Variants in DOC2A observed in about 807,000 individuals in gnomAD.
The protein encoded by DOC2A is double C2-like domain-containing protein alpha.
A neutral mutation model predicts 40.6 loss-of-function variants in DOC2A; 28 were observed. The observed-to-expected ratio is 0.69, with a 90% CI of 0.51 to 0.95. The LOEUF (loss-of-function observed/expected upper bound fraction) is 0.95, where lower values mean the gene tolerates loss of function less well. DOC2A is among the 40% of genes least tolerant of loss of function. The pLI is 0.00. For missense variants in DOC2A, 474 were observed against 552.5 expected (o/e 0.86, Z 1.42); for synonymous variants, 241 against 236.9 (o/e 1.02, Z -0.16).
intron 1 of DOC2A, among the ~76,000 whole-genome samples, chr16:30,017,536 C>T (rs1002238178): frequency 3.3e-5 from 5 of 152,018 alleles, no homozygotes; most frequent in South Asian, 2.1e-4. Flanking sequence ...TGAATTAATG[C>T]GGAAACAGAA....
At chr16:30,015,447 C>A (rs2070845294), upstream of DOC2A, among the ~76,000 whole-genome samples, 3 of 152,134 alleles carry the variant, frequency 2.0e-5, no homozygotes, top group African/African-American at 7.2e-5. Context: ...TCCTGAGTAG[C>A]TGGGATTACA....
Position 30,009,067 on chromosome 16 carries a change from C to T in DOC2A, c.456G>A (p.Leu152=). The T allele has an allele frequency of 6.2e-7, 1 of 1,614,112 alleles. No homozygotes were observed. Among genetic ancestry groups the T allele is most frequent in the African/African-American group, 1.3e-5 (1 of 75,034 alleles). The change falls in exon 5 of 11, where the codon CTG becomes CTA. Residue 152 remains leucine (L), a synonymous_variant. Coordinates refer to ENST00000350119, the MANE Select transcript of DOC2A (RefSeq NM_003586.3). This position sits in a 1 kb window ranked among gnomAD's most constrained non-coding sequence, Gnocchi z 4.1. ...KLKTKTQRNT[L]NPVWNEDLTY... is the part of the protein sequence containing the mutation. ...TCAGGTCCTCATTCCACACGGGATTCAGTGTGTTCCTCTGAGTCTTCGTTT... is the reference window on the plus strand; with the variant it reads ...TCAGGTCCTCATTCCACACGGGATTTAGTGTGTTCCTCTGAGTCTTCGTTT...
At chr16:30,013,158 CAAAAAAAAAAA>C (rs1171077200), upstream of DOC2A, among the ~76,000 whole-genome samples, 12 of 39,182 alleles carry the variant, frequency 3.1e-4, no homozygotes, top group East Asian at 9.6e-4. Flanking sequence ...CCTGTCTCTA[CAAAAAAAAAAA>C]AAAAAAAAAA....
At chr16:30,016,047 ATATATATATTTTTT>A (rs2070852690), upstream of DOC2A, among the ~76,000 whole-genome samples, 1 of 22,464 alleles carries the variant, frequency 4.5e-5, no homozygotes, top group African/African-American at 1.5e-4. Flanking sequence ...ATATATATAT[ATATATATATTTTTT>A]TTTTTTTTTT....
In DOC2A at chr16:30,010,228, A is replaced by T. The variant is rs767916139; in HGVS notation, c.-6T>A. 1.9e-6 allele frequency: 3 copies of T among 1,613,286 alleles called. No homozygotes were observed. The highest frequency in any genetic ancestry group is 2.5e-6 in the Non-Finnish European group (3 of 1,179,920). On this transcript the variant is annotated 5_prime_UTR_variant, in exon 2 of 11. Transcript: ENST00000350119. The surrounding 1 kb of genome is among the most constrained non-coding windows in gnomAD (Gnocchi z 4.2). ...TCGCCCCTGCGGCCCCTCATGCAGCACCCCTGGCTAGGAGAGGGCGTGTGA... is the reference window on the plus strand; with the variant it reads ...TCGCCCCTGCGGCCCCTCATGCAGCTCCCCTGGCTAGGAGAGGGCGTGTGA...
In DOC2A at chr16:30,010,742, A is replaced by G. The variant is rs1471962205; in HGVS notation, c.-14+161T>C. ...TGCCTGGTTCCCCCGCTCGCTCACC[A>G]CAGCCCACGGTGGAGACCCCAGCCT... On this transcript the variant is annotated intron_variant, in intron 1 of 10. Coordinates refer to ENST00000350119, the MANE Select transcript of DOC2A (RefSeq NM_003586.3). This position sits in a 1 kb window ranked among gnomAD's most constrained non-coding sequence, Gnocchi z 4.2. Among the ~76,000 whole-genome samples the G allele has an allele frequency of 1.3e-5, 2 of 151,616 alleles. No individual in the cohort carries two copies. Among genetic ancestry groups the G allele is most frequent in the Non-Finnish European group, 2.9e-5 (2 of 67,876 alleles).
chr16:30,013,158 CAAAAAAAAAA>C (rs1171077200), upstream of DOC2A, among the ~76,000 whole-genome samples: 4 of 39,180 alleles, frequency 1.0e-4, no homozygotes, highest in African/African-American at 3.2e-4. Flanking sequence ...CCTGTCTCTA[CAAAAAAAAAA>C]AAAAAAAAAA....
upstream of DOC2A, among the ~76,000 whole-genome samples, chr16:30,022,419 C>T (rs886220590): frequency 6.6e-6 from 1 of 152,098 alleles, no homozygotes; most frequent in Non-Finnish European, 1.5e-5. Flanking sequence ...GCCTGTAATC[C>T]CAGCACTTTG....
chr16:30,006,172 A>T lies in DOC2A; in HGVS notation c.*14T>A. The T allele has an allele frequency of 6.4e-7, 1 of 1,570,400 alleles. No individual in the cohort carries two copies. The highest frequency in any genetic ancestry group is 8.6e-7 in the Non-Finnish European group (1 of 1,158,696). ...CCCGGCTCGATGGGCCTGTGCCGGG[A>T]CACTGCTGTCCACTCAGGCTGAGGA... On this transcript the variant is annotated 3_prime_UTR_variant, in exon 11 of 11. Transcript: ENST00000350119. The surrounding 1 kb of genome is among the most constrained non-coding windows in gnomAD (Gnocchi z 6.2).
At chr16:30,014,705 CGA>C (rs2070837809), upstream of DOC2A, among the ~76,000 whole-genome samples, 1 of 150,868 alleles carries the variant, frequency 6.6e-6, no homozygotes, top group Non-Finnish European at 1.5e-5. Flanking sequence ...TTTGGGAGGC[CGA>C]GGCGGGAGGA....
rs768972930 is a variant in DOC2A, at chr16:30,009,005, T to G, written c.518A>C (p.Lys173Thr). The G allele has an allele frequency of 8.1e-6, 13 of 1,612,898 alleles. No individual in the cohort carries two copies. Among genetic ancestry groups the G allele is most frequent in the Non-Finnish European group, 1.0e-5 (12 of 1,179,246 alleles). Reference protein sequence around the residue: ...SGITDDDITHKVLRIAVCDED... With the variant: ...SGITDDDITHTVLRIAVCDED... ...GGAGGGGGGCCCTCACCTGAGCACCTTGTGCGTGATGTCGTCATCTGTGAT... is the reference window on the plus strand; with the variant it reads ...GGAGGGGGGCCCTCACCTGAGCACCGTGTGCGTGATGTCGTCATCTGTGAT... The change falls in exon 5 of 11, where the codon AAG becomes ACG. Residue 173 changes from lysine to threonine, a missense_variant. Lys to Thr is a moderately conservative substitution (Grantham distance 78). Coordinates refer to ENST00000350119, the MANE Select transcript of DOC2A (RefSeq NM_003586.3). This position sits in a 1 kb window ranked among gnomAD's most constrained non-coding sequence, Gnocchi z 4.1.
chr16:30,006,963 C>A lies in DOC2A; in HGVS notation c.715-15G>T. 1 of 1,613,786 alleles carries A rather than the reference C, an allele frequency of 6.2e-7. No individual in the cohort carries two copies. Among genetic ancestry groups the A allele is most frequent in the Non-Finnish European group, 8.5e-7 (1 of 1,179,810 alleles). Reference sequence around the variant, plus strand: ...GCCTGCTCCAACTGCGGGGCACAGACTCAGGGTCAGCCTGGGCCCCTGCAG... The same window carrying A: ...GCCTGCTCCAACTGCGGGGCACAGAATCAGGGTCAGCCTGGGCCCCTGCAG... On this transcript the variant is annotated splice_polypyrimidine_tract_variant and intron_variant, in intron 7 of 10. Coordinates refer to ENST00000350119, the MANE Select transcript of DOC2A (RefSeq NM_003586.3). The surrounding 1 kb of genome is among the most constrained non-coding windows in gnomAD (Gnocchi z 6.2).
At chr16:30,023,126 G>C (rs2070938443), upstream of DOC2A, 1 of 470,350 alleles carries the variant, frequency 2.1e-6, no homozygotes, top group Non-Finnish European at 3.9e-6. Flanking sequence ...CCTCCTCTTT[G>C]TAAATGCTGG....
chr16:30,022,086 TA>T (rs1240956814), upstream of DOC2A, among the ~76,000 whole-genome samples: 5 of 149,774 alleles, frequency 3.3e-5, no homozygotes, highest in East Asian at 1.0e-3. Context: ...CCATCTCTAC[TA>T]AAAGTACAAA....
chr16:30,009,662 C>T lies in DOC2A; in HGVS notation c.263-105G>A, dbSNP rs568366961. 346 of 1,128,764 alleles carry T rather than the reference C, an allele frequency of 3.1e-4. 4 individuals carry two copies. The South Asian group carries it at 4.4e-3, about 14-fold the overall frequency. 69.9% of individuals were successfully genotyped at this position (1,128,764 alleles called of 1,614,324 possible). On this transcript the variant is annotated intron_variant, in intron 2 of 10. Transcript: ENST00000350119. The surrounding 1 kb of genome is among the most constrained non-coding windows in gnomAD (Gnocchi z 4.1). ...TGTGTCTCTCTCTCTTGCCAGCCCGCGAGTGTGAGTGCAAGAGGCTGAGTG... is the reference window on the plus strand; with the variant it reads ...TGTGTCTCTCTCTCTTGCCAGCCCGTGAGTGTGAGTGCAAGAGGCTGAGTG...
Position 30,005,593 on chromosome 16 carries a change from G to C in DOC2A, c.*593C>G, listed in dbSNP as rs1238742800. ...CCAGAAAAGGCGTAAACATGCACGG[G>C]TGTCCCCCAGGAGGGTGGCAGGGGC... On this transcript the variant is annotated 3_prime_UTR_variant, in exon 11 of 11. Transcript: ENST00000350119. 1.3e-6 allele frequency: 1 copy of C among 765,656 alleles called. No homozygotes were observed. The highest frequency in any genetic ancestry group is 2.1e-6 in the Non-Finnish European group (1 of 467,812). The allele number at this position is 765,656 out of a possible 1,614,324, so 47.4% of individuals were successfully genotyped here. A position where few individuals can be genotyped will look rare whatever the true frequency, so the allele number is the denominator to read the frequency against.
Position 30,010,018 on chromosome 16 carries a change from CA to C in DOC2A, c.204del (p.Ala70ProfsTer21). The stretch of plus-strand genomic sequence containing the variant: ...GCACCATCCTCAGGCGTGGTGGCCC[CA>C]AGGAGGGCTGCAGGGGGGGCCAGAG... ...PLALAPPAAL[L>X]GATTPEDGAE... On this transcript the variant is annotated frameshift_variant, in exon 2 of 11. Transcript: ENST00000350119. LOFTEE classifies it high-confidence loss of function. The surrounding 1 kb of genome is among the most constrained non-coding windows in gnomAD (Gnocchi z 4.2). The C allele has an allele frequency of 6.2e-7, 1 of 1,612,256 alleles. No homozygotes were observed. The highest frequency in any genetic ancestry group is 1.9e-4 in the Middle Eastern group (1 of 5,158).
rs867653136 is a variant in DOC2A, at chr16:30,005,806, T to C, written c.*380A>G. On this transcript the variant is annotated 3_prime_UTR_variant, in exon 11 of 11. Transcript: ENST00000350119. ...GTGGCTCTGGGTTTGTTTTTTGTCC[T>C]TTTTTTTTGAGACATTCTCCTCCTC... The C allele has an allele frequency of 2.1e-4, 84 of 397,638 alleles. No homozygotes were observed. The highest frequency in any genetic ancestry group is 6.9e-4 in the Middle Eastern group (1 of 1,456). 24.6% of individuals were successfully genotyped at this position (397,638 alleles called of 1,614,324 possible). A position where few individuals can be genotyped will look rare whatever the true frequency, so the allele number is the denominator to read the frequency against.
In DOC2A at chr16:30,010,332, C is replaced by A; in HGVS notation, c.-13-97G>T. 1.3e-6 allele frequency: 2 copies of A among 1,526,852 alleles called. No homozygotes were observed. The highest frequency in any genetic ancestry group is 1.8e-6 in the Non-Finnish European group (2 of 1,115,506). 94.6% of individuals were successfully genotyped at this position (1,526,852 alleles called of 1,614,324 possible). A position where few individuals can be genotyped will look rare whatever the true frequency, so the allele number is the denominator to read the frequency against. On this transcript the variant is annotated intron_variant, in intron 1 of 10. Coordinates refer to ENST00000350119, the MANE Select transcript of DOC2A (RefSeq NM_003586.3). This position sits in a 1 kb window ranked among gnomAD's most constrained non-coding sequence, Gnocchi z 4.2. ...CCTCGGTCTGTGGGGCCCTCACTGG[C>A]CTCCCTTCCTAGGTGTCGAGGGAGA...
Sources: allele counts gnomAD v4.1 joint callset (sites outside exome capture counted in the v4.1 genomes callset), GRCh38; gene constraint gnomAD v4.1.1; non-coding constraint Gnocchi (gnomAD v3.1); transcripts MANE v1.5; gene names NCBI Gene and HGNC (gene_info 2026-07-23, HGNC 2026-07-21).